The following STRN4 variants were observed in gnomAD, a reference collection of about 807,000 sequenced individuals.
The protein encoded by STRN4 is striatin 4.
Under a neutral mutation model 77.9 loss-of-function variants are expected in STRN4, and 27 were observed. That is an observed-to-expected ratio of 0.35 (90% confidence interval 0.26 to 0.48). STRN4 has a LOEUF of 0.48. Ranked by LOEUF, STRN4 falls within the 20% of genes least tolerant of loss-of-function variation. The probability of loss-of-function intolerance (pLI) is 0.99; values close to 1 mark genes in which losing one functional copy is unlikely to be tolerated. For missense variants in STRN4, 798 were observed against 1,049.7 expected, an observed-to-expected ratio of 0.76 and a Z score of 3.31; for synonymous variants, 466 against 443.1, an observed-to-expected ratio of 1.05 and a Z score of -0.65.
chr19:46,729,479 T>C (rs1396976318), intron 6 of STRN4, among the ~76,000 whole-genome samples: 1 of 152,156 alleles, frequency 6.6e-6, no homozygotes, highest in African/African-American at 2.4e-5. Context: ...GGCCAGCCTC[T>C]GACCTGCATG....
At chr19:46,736,702 G>GAAT (rs2122351870) in intron 4 of STRN4, 121 bp downstream of exon 4, 1 of 1,083,578 alleles carries the variant, frequency 9.2e-7, no homozygotes, top group East Asian at 2.7e-5. Context: ...GCCATGGCTG[G>GAAT]CTAAGATCCT....
rs543226449 is a variant in STRN4, at chr19:46,735,020, G to C, written c.540-1784C>G. Among the ~76,000 whole-genome samples, 459 of 152,156 alleles carry C rather than the reference G, an allele frequency of 3.0e-3. 1 individual carries two copies. The highest frequency in any genetic ancestry group is 0.01 in the African/African-American group (421 of 41,520). On this transcript the variant is annotated intron_variant, in intron 4 of 17. Coordinates refer to ENST00000263280, the MANE Select transcript of STRN4 (RefSeq NM_013403.3). ...ATCCCAGCTTTTATAAAATATATAA[G>C]CTGGGCTGGGCGCGGTGGCTCACAC...
chr19:46,745,950 CCCG>C, intron 1 of STRN4, 196 bp downstream of exon 1: 1 of 543,588 alleles, frequency 1.8e-6, no homozygotes, highest in Non-Finnish European at 2.8e-6. Flanking sequence ...CCGTCCCGGT[CCCG>C]TCCCACCCCG....
chr19:46,725,047 G>T, intron 11 of STRN4, 119 bp from the exon 12 acceptor site: 1 of 1,463,686 alleles, frequency 6.8e-7, no homozygotes, highest in East Asian at 2.3e-5. Flanking sequence ...TCAGTGACTG[G>T]GGCTCTGGCC....
intron 14 of STRN4, 119 bp downstream of exon 14, chr19:46,722,691 G>T: frequency 6.9e-7 from 1 of 1,450,524 alleles, no homozygotes; most frequent in Non-Finnish European, 9.4e-7. Flanking sequence ...CCTGCTCAGG[G>T]CCTGAGGGTG....
chr19:46,728,061 GCATAGGTGAC>G, intron 7 of STRN4, 54 bp from the exon 8 acceptor site: 2 of 1,533,146 alleles, frequency 1.3e-6, no homozygotes, highest in Non-Finnish European at 1.8e-6. Flanking sequence ...ACCCAGTCTG[GCATAGGTGAC>G]GCCTTCCCCA....
intron 12 of STRN4, among the ~76,000 whole-genome samples, chr19:46,724,243 T>G (rs187304792): frequency 8.0e-5 from 7 of 87,134 alleles, no homozygotes; most frequent in African/African-American, 3.2e-4. Context: ...GTGAGACTCT[T>G]TGTCTCAAAA....
Position 46,738,051 on chromosome 19 carries a change from ATTCTGCC to A in STRN4, c.460+106_460+112del. 8.8e-7 allele frequency: 1 copy of A among 1,140,464 alleles called. No individual in the cohort carries two copies. The highest frequency in any genetic ancestry group is 1.3e-6 in the Non-Finnish European group (1 of 753,132). The allele number at this position is 1,140,464 out of a possible 1,614,324, so 70.6% of individuals were successfully genotyped here. A position where few individuals can be genotyped will look rare whatever the true frequency, so the allele number is the denominator to read the frequency against. On this transcript the variant is annotated intron_variant, in intron 3 of 17. Transcript: ENST00000263280. The surrounding 1 kb of genome is among the most constrained non-coding windows in gnomAD (Gnocchi z 4.5). The stretch of plus-strand genomic sequence containing the variant: ...CCGCCCCTCCCCAGCCCCGGGGCCG[ATTCTGCC>A]TTCTAAGGAGCAAAGTGAGAAAGAG...
At chr19:46,721,718 G>A (rs1051300233) in intron 16 of STRN4, 3 of 439,530 alleles carry the variant, frequency 6.8e-6, no homozygotes, top group Non-Finnish European at 1.3e-5. Context: ...AAGCGTCTGG[G>A]CATCAGGGCC....
intron 8 of STRN4, 69 bp from the exon 9 acceptor site, chr19:46,727,615 G>T: frequency 7.8e-7 from 1 of 1,287,662 alleles, no homozygotes; most frequent in Non-Finnish European, 1.1e-6. Context: ...GGGAGAGAGA[G>T]AATGACAGAG....
rs1323333714 is a variant in STRN4 at position 46,720,076 on chromosome 19, C to T, written c.*329G>A. 6.6e-6 allele frequency: 1 copy of T among 152,532 alleles called. No individual in the cohort carries two copies. Among genetic ancestry groups the T allele is most frequent in the African/African-American group, 2.4e-5 (1 of 41,474 alleles). 9.4% of individuals were successfully genotyped at this position (152,532 alleles called of 1,614,324 possible). ...GGCACCTTCTGGAGTCTTGGAAAAA[C>T]TGATCCCTAAAGACACCCGGCCCTG... is the stretch of plus-strand genomic sequence containing the variant. On this transcript the variant is annotated 3_prime_UTR_variant, in exon 18 of 18. Coordinates refer to ENST00000263280, the MANE Select transcript of STRN4 (RefSeq NM_013403.3).
chr19:46,738,016 G>A lies in STRN4; in HGVS notation c.460+148C>T. On this transcript the variant is annotated intron_variant, in intron 3 of 17. Transcript: ENST00000263280. This position sits in a 1 kb window ranked among gnomAD's most constrained non-coding sequence, Gnocchi z 4.5. ...TGGCAGCCCATAGGGAGGGCTCTGA[G>A]AGTGAGATTCCGCCCCTCCCCAGCC... 1 of 790,196 alleles carries A rather than the reference G, an allele frequency of 1.3e-6. No individual in the cohort carries two copies. Among genetic ancestry groups the A allele is most frequent in the South Asian group, 1.6e-5 (1 of 64,462 alleles). 48.9% of individuals were successfully genotyped at this position (790,196 alleles called of 1,614,324 possible). A position where few individuals can be genotyped will look rare whatever the true frequency, so the allele number is the denominator to read the frequency against.
At chr19:46,734,558 C>T (rs944642605) in intron 4 of STRN4, among the ~76,000 whole-genome samples, 7 of 152,180 alleles carry the variant, frequency 4.6e-5, no homozygotes, top group African/African-American at 1.7e-4. Context: ...ATCTATATGA[C>T]AGACATTATA....
rs1418915152 is a variant in STRN4, at chr19:46,727,918, T to G, written c.1129A>C (p.Thr377Pro). ...PPKVTGPPPG[T>P]PQPRPHEDVF... is the part of the protein sequence containing the mutation. ...CCTTCATGTGGCCGGGGCTGGGGTG[T>G]GCCAGGAGGCGGGCCAGTCACTTTT... Residue 377 changes from threonine to proline, a missense_variant, in exon 8 of 18, where the codon ACA becomes CCA. Physicochemically the swap from Thr to Pro is conservative, Grantham distance 38. Transcript: ENST00000263280. 2 of 1,611,638 alleles carry G rather than the reference T, an allele frequency of 1.2e-6. No homozygotes were observed. Among genetic ancestry groups the G allele is most frequent in the Non-Finnish European group, 8.5e-7 (1 of 1,178,606 alleles).
chr19:46,727,085 C>T (rs563362709), intron 9 of STRN4, among the ~76,000 whole-genome samples: 2 of 152,110 alleles, frequency 1.3e-5, no homozygotes, highest in Non-Finnish European at 2.9e-5. Flanking sequence ...CCAAAGGCTC[C>T]CAGATGGCCA....
In STRN4 at chr19:46,730,884, C is replaced by G; in HGVS notation, c.738-11G>C. On this transcript the variant is annotated splice_polypyrimidine_tract_variant and intron_variant, in intron 5 of 17. Transcript: ENST00000263280. ...TTGCCTGCCGCGTTCCTGCCAAAGA[C>G]AGCAGAGCAGAGGAGGCATGAGTCC... The G allele has an allele frequency of 6.2e-7, 1 of 1,609,538 alleles. No individual in the cohort carries two copies. Among genetic ancestry groups the G allele is most frequent in the South Asian group, 1.1e-5 (1 of 91,088 alleles).
rs1037162430 is a variant in STRN4 at position 46,746,268 on chromosome 19, C to G, written c.163G>C (p.Gly55Arg). 1.4e-6 allele frequency: 2 copies of G among 1,472,496 alleles called. No individual in the cohort carries two copies. Among genetic ancestry groups the G allele is most frequent in the South Asian group, 2.5e-5 (2 of 78,662 alleles). The allele number at this position is 1,472,496 out of a possible 1,614,324, so 91.2% of individuals were successfully genotyped here. Reference protein sequence around the residue: ...GKGGGGGGSPGPTAGPEPLSL... With the variant: ...GKGGGGGGSPRPTAGPEPLSL... ...AGGGGCTCCGGGCCCGCCGTGGGCCCGGGGCTGCCTCCGCCGCCGCCTCCC... is the reference window on the plus strand; with the variant it reads ...AGGGGCTCCGGGCCCGCCGTGGGCCGGGGGCTGCCTCCGCCGCCGCCTCCC... The change falls in exon 1 of 18, where the codon GGG becomes CGG. Residue 55 changes from glycine to arginine, a missense_variant. By Grantham distance (125) the Gly-to-Arg change is moderately radical. Transcript: ENST00000263280.
rs1038454789 is a variant in STRN4 at position 46,725,447 on chromosome 19, C to G, written c.1424+26G>C. ...ACCCCCGTCCCCAGATGCCCCTGCC[C>G]CCGGCTCTGAGCTTGCTGCCCTCAC... On this transcript the variant is annotated intron_variant, in intron 10 of 17. Transcript: ENST00000263280. The G allele has an allele frequency of 5.0e-6, 8 of 1,613,728 alleles. No individual in the cohort carries two copies. The African/African-American group carries it at 9.3e-5, about 19-fold the overall frequency.
chr19:46,744,257 G>C (rs897016942), intron 1 of STRN4, among the ~76,000 whole-genome samples: 96 of 152,298 alleles, frequency 6.3e-4, no homozygotes, highest in African/African-American at 2.2e-3. Flanking sequence ...AAGAGCTTCG[G>C]AAGTAGAGAG....
Sources: gnomAD v4.1 joint callset for allele counts (sites outside exome capture counted in the v4.1 genomes callset) on GRCh38, gnomAD v4.1.1 for gene constraint, Gnocchi (gnomAD v3.1) non-coding constraint, MANE v1.5 for transcripts, NCBI Gene and HGNC (gene_info 2026-07-23, HGNC 2026-07-21) for gene names.